Variants in STXBP5 observed in about 807,000 individuals in gnomAD.
The protein encoded by STXBP5 is syntaxin binding protein 5, also known as syntaxin-binding protein 5.
STXBP5 carries 50 observed loss-of-function variants against 152.4 expected under a neutral mutation model. The observed-to-expected ratio is 0.33, with a 90% CI of 0.26 to 0.42. The LOEUF (loss-of-function observed/expected upper bound fraction) is 0.42. Ranked by LOEUF, STXBP5 falls within the 10% of genes least tolerant of loss-of-function variation. The pLI is 1.00. For synonymous variants in STXBP5, 492 were observed against 494.7 expected, an observed-to-expected ratio of 0.99 and a Z score of 0.07; for missense variants, 1,167 against 1,388.6, an observed-to-expected ratio of 0.84 and a Z score of 2.54.
intron 26 of STXBP5, 144 bp downstream of exon 26, chr6:147,373,986 T>G (rs187829358): frequency 2.5e-4 from 146 of 573,664 alleles, no homozygotes; most frequent in African/African-American, 2.4e-3. Flanking sequence ...ATACATAAAA[T>G]TATTTTCTGT....
intron 4 of STXBP5, among the ~76,000 whole-genome samples, chr6:147,249,597 C>G (rs1295563582): frequency 6.6e-6 from 1 of 152,140 alleles, no homozygotes; most frequent in Admixed American, 6.5e-5. Flanking sequence ...CGAGCCGATT[C>G]TTCTTGCTGC....
chr6:147,319,768 T>C (rs1259394213), intron 16 of STXBP5, among the ~76,000 whole-genome samples: 4 of 151,442 alleles, frequency 2.6e-5, no homozygotes, highest in Non-Finnish European at 4.4e-5. Flanking sequence ...TCACCTGTAA[T>C]TGCTTACTAG....
At chr6:147,363,242 A>G (rs1392390488) in intron 23 of STXBP5, 93 bp from the exon 24 acceptor site, 1 of 1,296,982 alleles carries the variant, frequency 7.7e-7, no homozygotes, top group East Asian at 2.4e-5. Flanking sequence ...TTCAGCATAT[A>G]TTTAAGTATC....
At chr6:147,324,329 A>G (rs1177291105) in intron 16 of STXBP5, among the ~76,000 whole-genome samples, 1 of 134,144 alleles carries the variant, frequency 7.5e-6, no homozygotes, top group African/African-American at 2.9e-5. Context: ...CTGGAGTACA[A>G]TGGCGCGATC....
At chr6:147,242,614 T>C (rs536128207) in intron 4 of STXBP5, among the ~76,000 whole-genome samples, 67 of 152,334 alleles carry the variant, frequency 4.4e-4, no homozygotes, top group Middle Eastern at 3.4e-3. Flanking sequence ...GATACACAGA[T>C]ACTTAACCTT....
At chr6:147,208,524 A>G (rs1776685709) in intron 2 of STXBP5, among the ~76,000 whole-genome samples, 1 of 151,926 alleles carries the variant, frequency 6.6e-6, no homozygotes, top group East Asian at 1.9e-4. Context: ...TCTTTTGTAT[A>G]TTTTCCTATT....
At chr6:147,279,107 G>A (rs1287136067) in intron 8 of STXBP5, among the ~76,000 whole-genome samples, 1 of 152,208 alleles carries the variant, frequency 6.6e-6, no homozygotes, top group South Asian at 2.1e-4. Flanking sequence ...CATCAGCCAA[G>A]GGCCAACCTT....
rs187354163 is a variant in STXBP5, at chr6:147,370,953, C to T, written c.3082-2778C>T. The stretch of plus-strand genomic sequence containing the variant: ...GCATCTAATGTATGGATAACCAAAG[C>T]CCATACATTGACCCATTCATGAAAT... On this transcript the variant is annotated intron_variant, in intron 25 of 27. Coordinates refer to ENST00000321680, the MANE Select transcript of STXBP5 (RefSeq NM_001127715.4). Among the ~76,000 whole-genome samples the T allele has an allele frequency of 3.7e-3, 556 of 152,066 alleles. 5 individuals carry two copies. The highest frequency in any genetic ancestry group is 0.013 in the African/African-American group (525 of 41,536).
intron 27 of STXBP5, 70 bp from the exon 28 acceptor site, chr6:147,384,644 T>G (rs967539664): frequency 2.5e-5 from 37 of 1,486,252 alleles, no homozygotes; most frequent in Non-Finnish European, 3.5e-5. Context: ...TGGAAAAATA[T>G]AGAAATCACT....
chr6:147,276,325 G>A lies in STXBP5; in HGVS notation c.715-1756G>A, dbSNP rs537551659. Among the ~76,000 whole-genome samples the A allele has an allele frequency of 3.4e-3, 518 of 152,124 alleles. 4 individuals are homozygous for A. The highest frequency in any genetic ancestry group is 8.5e-3 in the South Asian group (41 of 4,822). On this transcript the variant is annotated intron_variant, in intron 7 of 27. Transcript: ENST00000321680. ...TTATTTCTTTGCTTTTTTGTGGGGT[G>A]TTTTCTGTTATTTGTTTCTGTTGTC...
intron 9 of STXBP5, among the ~76,000 whole-genome samples, chr6:147,302,532 C>G (rs1781872299): frequency 6.6e-6 from 1 of 152,034 alleles, no homozygotes; most frequent in South Asian, 2.1e-4. Flanking sequence ...GAAAGAAAAA[C>G]AAGGCCAGGC....
chr6:147,325,614 T>A (rs79219919), intron 17 of STXBP5, among the ~76,000 whole-genome samples: 6,842 of 152,300 alleles, frequency 0.045, 442 homozygotes, highest in East Asian at 0.27. Context: ...ATATTTTTAT[T>A]ACAATATGAT....
intron 27 of STXBP5, 79 bp downstream of exon 27, chr6:147,383,077 T>A: frequency 6.7e-7 from 1 of 1,484,768 alleles, no homozygotes; most frequent in South Asian, 1.2e-5. Context: ...TTATAGCTAT[T>A]GTATTTCTAC....
intron 4 of STXBP5, among the ~76,000 whole-genome samples, chr6:147,250,531 A>G (rs569453094): frequency 6.6e-6 from 1 of 152,320 alleles, no homozygotes; most frequent in Admixed American, 6.5e-5. Flanking sequence ...ATACCATTTT[A>G]TATGAGGGAC....
intron 21 of STXBP5, chr6:147,351,877 GC>G: frequency 1.0e-6 from 1 of 985,258 alleles, no homozygotes; most frequent in Non-Finnish European, 1.2e-6. Flanking sequence ...TTTACATGGC[GC>G]CCTTATGGAC....
At chr6:147,323,559 T>C (rs1783051063) in intron 16 of STXBP5, among the ~76,000 whole-genome samples, 1 of 151,984 alleles carries the variant, frequency 6.6e-6, no homozygotes, top group Non-Finnish European at 1.5e-5. Flanking sequence ...ACCCGGGTAA[T>C]TTTTGTATGT....
At chr6:147,266,418 A>G (rs1779896107) in intron 6 of STXBP5, among the ~76,000 whole-genome samples, 2 of 152,120 alleles carry the variant, frequency 1.3e-5, no homozygotes, top group African/African-American at 2.4e-5. Context: ...ACCAGGGAAG[A>G]GGCCCTAGAG....
intron 8 of STXBP5, among the ~76,000 whole-genome samples, chr6:147,278,789 G>T (rs149413359): frequency 6.6e-6 from 1 of 152,136 alleles, no homozygotes; most frequent in African/African-American, 2.4e-5. Context: ...AGGAAACCAG[G>T]CTCAAGCTTC....
At chr6:147,352,904 C>CAT (rs1330369232) in intron 21 of STXBP5, among the ~76,000 whole-genome samples, 1 of 152,168 alleles carries the variant, frequency 6.6e-6, no homozygotes, top group African/African-American at 2.4e-5. Context: ...GTGGCTCACG[C>CAT]ATGTAATCCC....
Sources: allele counts gnomAD v4.1 joint callset (sites outside exome capture counted in the v4.1 genomes callset), GRCh38; gene constraint gnomAD v4.1.1; transcripts MANE v1.5; gene names NCBI Gene and HGNC (gene_info 2026-07-23, HGNC 2026-07-21).